Variants in CPSF7 observed in about 807,000 individuals in gnomAD.
The protein encoded by CPSF7 is cleavage and polyadenylation specific factor 7, also known as cleavage and polyadenylation specificity factor subunit 7.
A neutral mutation model predicts 44.3 loss-of-function variants in CPSF7; 1 was observed. The ratio of observed to expected loss-of-function variants is 0.02; its 90% confidence interval spans 0.01 to 0.11. The LOEUF is 0.11. CPSF7 is among the 10% of genes least tolerant of loss of function. The pLI, the probability that CPSF7 is intolerant of heterozygous loss-of-function variation, is 1.00. For missense variants in CPSF7, 443 were observed against 607.2 expected (o/e 0.73, Z 2.84); for synonymous variants, 202 against 222.0 (o/e 0.91, Z 0.80).
chr11:61,422,471 T>C lies in CPSF7; in HGVS notation c.55-863A>G, dbSNP rs141945523. Among the ~76,000 whole-genome samples the C allele has an allele frequency of 7.6e-4, 115 of 152,152 alleles. 8 individuals are homozygous for C. In the East Asian group the frequency reaches 0.022, roughly 29 times the overall value. On this transcript the variant is annotated intron_variant, in intron 2 of 9. Coordinates refer to ENST00000439958, the MANE Select transcript of CPSF7 (RefSeq NM_001142565.3). ...TGGGGACTACAGACATGCGCAACCA[T>C]GCCCAGCTAATTTTCAAATTTTTTT...
rs373141451 is a variant in CPSF7, at chr11:61,415,730, G to T, written c.993C>A (p.Ile331=). Reference sequence around the variant, plus strand: ...TGGAAATTGCTCTGTTTCGCTTCATGATATCTTCAAATTCGGCTTCACTCA... The same window carrying T: ...TGGAAATTGCTCTGTTTCGCTTCATTATATCTTCAAATTCGGCTTCACTCA... ...STVSEAEFED[I]MKRNRAISSS... is the part of the protein sequence containing the mutation. Residue 331 remains isoleucine (I), a synonymous_variant, in exon 7 of 10, where the codon ATC becomes ATA. Transcript: ENST00000439958. The T allele has an allele frequency of 1.8e-5, 29 of 1,614,070 alleles. No homozygotes were observed. Among genetic ancestry groups the T allele is most frequent in the Non-Finnish European group, 1.7e-6 (2 of 1,179,998 alleles).
intron 2 of CPSF7, among the ~76,000 whole-genome samples, chr11:61,427,906 G>C (rs1354359846): frequency 6.6e-6 from 1 of 152,042 alleles, no homozygotes; most frequent in African/African-American, 2.4e-5. Flanking sequence ...AAAATAAATG[G>C]CATGTATCCG....
chr11:61,425,580 T>C (rs949206284), intron 2 of CPSF7, among the ~76,000 whole-genome samples: 1 of 152,258 alleles, frequency 6.6e-6, no homozygotes, highest in Non-Finnish European at 1.5e-5. Flanking sequence ...TCCACTTGTC[T>C]GCTCAGTGTT....
Position 61,411,879 on chromosome 11 carries a change from G to C in CPSF7, c.1116C>G (p.Ser372=), listed in dbSNP as rs1258829218. Residue 372 remains serine (S), a synonymous_variant, in exon 8 of 10, where the codon TCC becomes TCG. Coordinates refer to ENST00000439958, the MANE Select transcript of CPSF7 (RefSeq NM_001142565.3). The part of the protein sequence containing the change: ...LLTAIAVIKQ[S]RVANDERCRV... Reference sequence around the variant, plus strand: ...GGCAACGCTCATCATTGGCAACCCGGGACTGTTTGATAACCGCAATGGCTG... The same window carrying C: ...GGCAACGCTCATCATTGGCAACCCGCGACTGTTTGATAACCGCAATGGCTG... 2 of 1,614,162 alleles carry C rather than the reference G, an allele frequency of 1.2e-6. No individual in the cohort carries two copies. Among genetic ancestry groups the C allele is most frequent in the East Asian group, 2.2e-5 (1 of 44,888 alleles).
At chr11:61,422,005 A>G (rs919570874) in intron 2 of CPSF7, among the ~76,000 whole-genome samples, 12 of 152,246 alleles carry the variant, frequency 7.9e-5, no homozygotes, top group Non-Finnish European at 1.5e-4. Context: ...TGCTATTTCC[A>G]AAATCAAGTG....
intron 3 of CPSF7, 198 bp from the exon 4 acceptor site, chr11:61,420,771 T>C: frequency 3.3e-6 from 2 of 601,422 alleles, no homozygotes; most frequent in South Asian, 4.0e-5. Flanking sequence ...CCAATCTCCA[T>C]CTTTAGAGAT....
intron 5 of CPSF7, among the ~76,000 whole-genome samples, chr11:61,417,076 GAGAA>G (rs1306571909): frequency 1.3e-5 from 2 of 152,166 alleles, no homozygotes; most frequent in African/African-American, 2.4e-5. Context: ...TAATCAGGGT[GAGAA>G]AGAGACACAC....
intron 5 of CPSF7, 114 bp downstream of exon 5, chr11:61,419,835 C>A (rs189876421): frequency 7.4e-7 from 1 of 1,357,782 alleles, no homozygotes; most frequent in Admixed American, 2.2e-5. Context: ...CACCCTCCCC[C>A]AAACTCACCC....
intron 2 of CPSF7, chr11:61,427,289 A>C (rs1254667552): frequency 1.3e-5 from 2 of 152,052 alleles, no homozygotes; most frequent in Non-Finnish European, 2.9e-5. Flanking sequence ...ACTCAGGAAA[A>C]CAATGATTTT....
Position 61,417,292 on chromosome 11 carries a change from C to G in CPSF7, c.524-773G>C, listed in dbSNP as rs1860427432. 2.0e-5 allele frequency among the ~76,000 whole-genome samples: 3 copies of G among 152,224 alleles called. No homozygotes were observed. In the South Asian group the frequency reaches 6.2e-4, roughly 31 times the overall value. The stretch of plus-strand genomic sequence containing the variant: ...CAAAATCCTCTACCCTTCAGGGCAG[C>G]CTAACAGGAACACCATCACCACATG... On this transcript the variant is annotated intron_variant, in intron 5 of 9. Coordinates refer to ENST00000439958, the MANE Select transcript of CPSF7 (RefSeq NM_001142565.3).
chr11:61,415,153 G>A lies in CPSF7; in HGVS notation c.1057+513C>T, dbSNP rs569615765. On this transcript the variant is annotated intron_variant, in intron 7 of 9. Coordinates refer to ENST00000439958, the MANE Select transcript of CPSF7 (RefSeq NM_001142565.3). ...CTTGGGAGGCTGAGGCAGGAGAATC[G>A]CTTGAAACCAGGAGGTGGAGGCTGT... 3.9e-4 allele frequency among the ~76,000 whole-genome samples: 59 copies of A among 152,248 alleles called. 1 individual carries two copies. The South Asian group carries it at 0.011, about 28-fold the overall frequency.
chr11:61,415,804 T>C lies in CPSF7; in HGVS notation c.939-20A>G. The C allele has an allele frequency of 6.7e-7, 1 of 1,488,162 alleles. No homozygotes were observed. Among genetic ancestry groups the C allele is most frequent in the Non-Finnish European group, 9.4e-7 (1 of 1,065,494 alleles). The allele number at this position is 1,488,162 out of a possible 1,614,324, so 92.2% of individuals were successfully genotyped here. On this transcript the variant is annotated intron_variant, in intron 6 of 9. Coordinates refer to ENST00000439958, the MANE Select transcript of CPSF7 (RefSeq NM_001142565.3). ...TCTCGGCTGTACAGAGAAAATACCA[T>C]CCTTGATTGCTCACATCCCTTATTA...
At chr11:61,405,921 C>T (rs1859275364) in intron 9 of CPSF7, 1 of 152,140 alleles carries the variant, frequency 6.6e-6, no homozygotes. Context: ...TCAGTGCACT[C>T]AATTACATAC....
rs572162831 is a variant in CPSF7, at chr11:61,429,345, A to G, written c.-55-55T>C. On this transcript the variant is annotated intron_variant, in intron 1 of 9. Coordinates refer to ENST00000439958, the MANE Select transcript of CPSF7 (RefSeq NM_001142565.3). The stretch of plus-strand genomic sequence containing the variant: ...GAAGGCACGAGGGTCCTGGGCTGGG[A>G]AGAGGGTAATGATTGCTAACCTCCC... 3.7e-6 allele frequency: 4 copies of G among 1,087,030 alleles called. No homozygotes were observed. In the East Asian group the frequency reaches 9.5e-5, roughly 26 times the overall value. The allele number at this position is 1,087,030 out of a possible 1,614,324, so 67.3% of individuals were successfully genotyped here. A position where few individuals can be genotyped will look rare whatever the true frequency, so the allele number is the denominator to read the frequency against.
At chr11:61,411,469 T>A (rs748919492) in intron 8 of CPSF7, among the ~76,000 whole-genome samples, 5 of 152,190 alleles carry the variant, frequency 3.3e-5, no homozygotes, top group Non-Finnish European at 7.3e-5. Flanking sequence ...ATACAGATAG[T>A]TAGCAGCAGA....
chr11:61,416,028 C>G, intron 6 of CPSF7, 77 bp downstream of exon 6: 2 of 1,293,896 alleles, frequency 1.5e-6, no homozygotes, highest in Non-Finnish European at 2.1e-6. Context: ...ATTCAGTGCT[C>G]ACTTTCTCAG....
chr11:61,429,891 C>A, intron 1 of CPSF7, 23 bp downstream of exon 1: 1 of 1,517,948 alleles, frequency 6.6e-7, no homozygotes, highest in Non-Finnish European at 8.8e-7. Context: ...CCCAACCTGC[C>A]CCCGACCGCG....
chr11:61,410,197 A>C (rs1859729411), intron 9 of CPSF7, among the ~76,000 whole-genome samples: 1 of 151,804 alleles, frequency 6.6e-6, no homozygotes, highest in African/African-American at 2.4e-5. Flanking sequence ...TCCTAGGCTC[A>C]AGCAACCCTC....
rs758903187 is a variant in CPSF7 at position 61,416,269 on chromosome 11, C to A, written c.774G>T (p.Met258Ile). 1 of 1,532,210 alleles carries A rather than the reference C, an allele frequency of 6.5e-7. No homozygotes were observed. The highest frequency in any genetic ancestry group is 8.8e-7 in the Non-Finnish European group (1 of 1,141,638). The allele number at this position is 1,532,210 out of a possible 1,614,324, so 94.9% of individuals were successfully genotyped here. ...PPPGIHYQHL[M>I]PPPPRLPPHL... Reference sequence around the variant, plus strand: ...GAGGAGGTAATCGAGGAGGTGGGGGCATGAGATGCTGGTAGTGGATACCAG... The same window carrying A: ...GAGGAGGTAATCGAGGAGGTGGGGGAATGAGATGCTGGTAGTGGATACCAG... The change falls in exon 6 of 10, where the codon ATG becomes ATT. Residue 258 changes from methionine (M) to isoleucine (I), a missense_variant. Physicochemically the swap from Met to Ile is conservative, Grantham distance 10. Transcript: ENST00000439958.
Sources: gnomAD v4.1 joint callset for allele counts (sites outside exome capture counted in the v4.1 genomes callset) on GRCh38, gnomAD v4.1.1 for gene constraint, MANE v1.5 for transcripts, NCBI Gene and HGNC (gene_info 2026-07-23, HGNC 2026-07-21) for gene names.